The following ATE1 variants were observed in gnomAD, a reference collection of about 807,000 sequenced individuals.
ATE1 encodes the protein arginyl-tRNA--protein transferase 1.
In ATE1, 36 loss-of-function variants were observed where a neutral mutation model predicts 70.5. The ratio of observed to expected loss-of-function variants is 0.51; its 90% CI spans 0.39 to 0.67. ATE1 has a LOEUF of 0.67. ATE1 is among the 30% of genes least tolerant of loss of function. The pLI is 0.00. For missense variants in ATE1, 593 were observed against 629.5 expected (o/e 0.94, Z 0.62); for synonymous variants, 232 against 219.3 (o/e 1.06, Z -0.51).
chr10:121,787,785 A>C lies in ATE1; in HGVS notation c.1378+2384T>G, dbSNP rs901854322. ...TTTTTTGCCATGTTTGTTAGTATTT[A>C]TTCTGGAAAATAATTTTAAAATCTA... is the stretch of plus-strand genomic sequence containing the variant. On this transcript the variant is annotated intron_variant, in intron 11 of 11. Transcript: ENST00000224652. Among the ~76,000 whole-genome samples the C allele has an allele frequency of 2.6e-5, 4 of 152,216 alleles. No homozygotes were observed. The East Asian group carries it at 7.7e-4, about 29-fold the overall frequency.
chr10:121,925,988 C>T (rs1196351660), intron 1 of ATE1, among the ~76,000 whole-genome samples: 1 of 152,010 alleles, frequency 6.6e-6, no homozygotes, highest in Non-Finnish European at 1.5e-5. Context: ...GGTAGATCAC[C>T]TGAGGTCGGG....
At chr10:121,916,855 CAAG>C in intron 3 of ATE1, among the ~76,000 whole-genome samples, 1 of 151,394 alleles carries the variant, frequency 6.6e-6, no homozygotes, top group East Asian at 1.9e-4. Flanking sequence ...AAAAAATCCC[CAAG>C]ATGACAGTAA....
intron 5 of ATE1, among the ~76,000 whole-genome samples, chr10:121,904,036 G>A (rs1213531852): frequency 6.6e-6 from 1 of 150,764 alleles, no homozygotes; most frequent in East Asian, 2.0e-4. Context: ...CTGGAGTGCA[G>A]TGGCGCCATC....
chr10:121,860,961 T>C (rs576424631), intron 8 of ATE1, among the ~76,000 whole-genome samples: 285 of 152,240 alleles, frequency 1.9e-3, no homozygotes, highest in African/African-American at 6.6e-3. Context: ...GAAAAATACA[T>C]CCCACAGTGA....
At chr10:121,819,011 A>G (rs1275961791) in intron 10 of ATE1, among the ~76,000 whole-genome samples, 1 of 152,236 alleles carries the variant, frequency 6.6e-6, no homozygotes, top group Non-Finnish European at 1.5e-5. Context: ...ATGTCGCTGT[A>G]ATTACTCAAA....
At position 121,767,136 on chromosome 10, in the gene ATE1, C is replaced by G. The variant is rs138189147; in HGVS notation, c.1378+23033G>C. ...GCTGGTTCAGTATTAAAGACCAAAT[C>G]AATGCTATCCACCATATTAACAGTT... is the stretch of plus-strand genomic sequence containing the variant. On this transcript the variant is annotated intron_variant, in intron 11 of 11. Coordinates refer to ENST00000224652, the MANE Select transcript of ATE1 (RefSeq NM_001001976.3). Among the ~76,000 whole-genome samples the G allele has an allele frequency of 5.3e-3, 804 of 152,256 alleles. 8 individuals are homozygous for G. The highest frequency in any genetic ancestry group is 0.018 in the African/African-American group (746 of 41,558).
Position 121,834,075 on chromosome 10 carries a change from A to G in ATE1, c.1257+2643T>C, listed in dbSNP as rs183735506. Among the ~76,000 whole-genome samples, 25 of 152,330 alleles carry G rather than the reference A, an allele frequency of 1.6e-4. No individual in the cohort carries two copies. The East Asian group carries it at 3.7e-3, about 22-fold the overall frequency. On this transcript the variant is annotated intron_variant, in intron 10 of 11. Coordinates refer to ENST00000224652, the MANE Select transcript of ATE1 (RefSeq NM_001001976.3). ...GCAACTAAAGGCTAGGCAGTGCTAC[A>G]CTAGCTGTTTCCTCAGTGTCTTTCT...
At chr10:121,744,585 T>G (rs1397425246) in intron 11 of ATE1, among the ~76,000 whole-genome samples, 24 of 152,232 alleles carry the variant, frequency 1.6e-4, no homozygotes, top group Admixed American at 1.4e-3. Context: ...CTGAAGCTTT[T>G]GGCTGACTCT....
At position 121,876,882 on chromosome 10, in the gene ATE1, C is replaced by T. The variant is rs1000906403; in HGVS notation, c.943-6844G>A. Among the ~76,000 whole-genome samples, 21 of 150,978 alleles carry T rather than the reference C, an allele frequency of 1.4e-4. 1 individual carries two copies. The highest frequency in any genetic ancestry group is 1.0e-3 in the South Asian group (5 of 4,790). ...TCGGGAGGCTGAGGCAGGAGAATGG[C>T]GGGAACCCGGGAGGCGGAGCTTGCA... is the stretch of plus-strand genomic sequence containing the variant. On this transcript the variant is annotated intron_variant, in intron 7 of 11. Transcript: ENST00000224652.
At chr10:121,799,296 A>C (rs11200164) in intron 10 of ATE1, among the ~76,000 whole-genome samples, 40,985 of 152,114 alleles carry the variant, frequency 0.27, 6,125 homozygotes, top group Middle Eastern at 0.33. Flanking sequence ...AATACTGAGG[A>C]CAGCAACAAG....
At chr10:121,903,683 T>C (rs1951074547) in intron 5 of ATE1, among the ~76,000 whole-genome samples, 1 of 151,860 alleles carries the variant, frequency 6.6e-6, no homozygotes, top group African/African-American at 2.4e-5. Flanking sequence ...TGAGACTCTG[T>C]CTCAAAAAAC....
intron 11 of ATE1, among the ~76,000 whole-genome samples, chr10:121,771,089 TGA>T (rs969479925): frequency 6.6e-6 from 1 of 152,170 alleles, no homozygotes; most frequent in Non-Finnish European, 1.5e-5. Flanking sequence ...TTTATTTTTT[TGA>T]GACAGAGTCC....
chr10:121,889,101 C>T lies in ATE1; in HGVS notation c.942+10765G>A, dbSNP rs1041049214. Among the ~76,000 whole-genome samples the T allele has an allele frequency of 1.4e-4, 21 of 152,238 alleles. No individual in the cohort carries two copies. In the East Asian group the frequency reaches 2.1e-3, roughly 15 times the overall value. ...CCATCTCAGCTCACGGCAACCTCTG[C>T]GTCCTGGGTTTAAGCGATTTTCCCG... On this transcript the variant is annotated intron_variant, in intron 7 of 11. Coordinates refer to ENST00000224652, the MANE Select transcript of ATE1 (RefSeq NM_001001976.3).
intron 11 of ATE1, among the ~76,000 whole-genome samples, chr10:121,787,224 C>G (rs1005708832): frequency 1.3e-5 from 2 of 152,162 alleles, no homozygotes; most frequent in Non-Finnish European, 2.9e-5. Flanking sequence ...TACTCAACAA[C>G]TGGAAAGAGA....
chr10:121,820,325 C>T (rs1010823901), intron 10 of ATE1, among the ~76,000 whole-genome samples: 4 of 151,962 alleles, frequency 2.6e-5, no homozygotes, highest in Non-Finnish European at 5.9e-5. Flanking sequence ...TGCTAGAAAC[C>T]ATAAAGGAAA....
At chr10:121,830,460 G>A (rs1018659614) in intron 10 of ATE1, among the ~76,000 whole-genome samples, 1 of 152,098 alleles carries the variant, frequency 6.6e-6, no homozygotes, top group African/African-American at 2.4e-5. Context: ...CTCACCAGAA[G>A]CTGGGCAGAT....
intron 7 of ATE1, 127 bp from the exon 8 acceptor site, chr10:121,870,165 A>G: frequency 2.3e-6 from 2 of 864,598 alleles, no homozygotes; most frequent in South Asian, 3.5e-5. Flanking sequence ...CAAAGATTAT[A>G]GAAAATTAAT....
At chr10:121,920,455 C>G (rs1185262518) in intron 3 of ATE1, among the ~76,000 whole-genome samples, 1 of 151,598 alleles carries the variant, frequency 6.6e-6, no homozygotes, top group Middle Eastern at 3.2e-3. Context: ...TTACTTGAGC[C>G]TGGCAGGCAG....
intron 3 of ATE1, among the ~76,000 whole-genome samples, chr10:121,921,946 A>G (rs138463114): frequency 1.8e-4 from 28 of 152,334 alleles, no homozygotes; most frequent in African/African-American, 6.5e-4. Flanking sequence ...AGTAATTTAT[A>G]GGAGCCTGTA....
Sources: gnomAD v4.1 joint callset for allele counts (sites outside exome capture counted in the v4.1 genomes callset) on GRCh38, gnomAD v4.1.1 for gene constraint, MANE v1.5 for transcripts, NCBI Gene and HGNC (gene_info 2026-07-23, HGNC 2026-07-21) for gene names.